Variants in SLC17A1 observed in about 807,000 individuals in gnomAD.
SLC17A1 encodes the protein solute carrier family 17 member 1.
Under a neutral mutation model 53.5 loss-of-function variants are expected in SLC17A1, and 51 were observed. The ratio of observed to expected loss-of-function variants is 0.95; its 90% CI spans 0.76 to 1.20. SLC17A1 has a LOEUF of 1.20. Ranked by LOEUF, SLC17A1 falls within the 50% of genes most tolerant of loss-of-function variation. SLC17A1 has a pLI of 0.00. For missense variants in SLC17A1, 538 were observed against 568.2 expected, an observed-to-expected ratio of 0.95 and a Z score of 0.54; for synonymous variants, 179 against 198.8, an observed-to-expected ratio of 0.90 and a Z score of 0.84.
chr6:25,728,093 TA>T, the SLC17A1 span, among the ~76,000 whole-genome samples: 2 of 152,056 alleles, frequency 1.3e-5, no homozygotes, highest in African/African-American at 2.4e-5. Context: ...TTACACATAA[TA>T]AAACTAAAAA....
chr6:25,770,584 C>G, the SLC17A1 span: 5 of 937,686 alleles, frequency 5.3e-6, no homozygotes, highest in Admixed American at 9.3e-5. Flanking sequence ...ATAGTCCTTT[C>G]CTTAAAGCAC....
At chr6:25,764,267 T>C in the SLC17A1 span, among the ~76,000 whole-genome samples, 7 of 152,190 alleles carry the variant, frequency 4.6e-5, no homozygotes, top group African/African-American at 1.4e-4. Flanking sequence ...TGTCCCTCTG[T>C]TACTGTGGAG....
rs1166823430 is a variant in SLC17A1 at position 25,813,738 on chromosome 6, A to G, written c.617-525T>C. ...CTCTCCCTCTTCCCACCCTCTACCC[A>G]GTGGTAGAAGGTGTTCCCCTCAGTG... On this transcript the variant is annotated intron_variant, in intron 6 of 12. Coordinates refer to ENST00000244527, the MANE Select transcript of SLC17A1 (RefSeq NM_005074.5). Among the ~76,000 whole-genome samples, 3 of 152,076 alleles carry G rather than the reference A, an allele frequency of 2.0e-5. No individual in the cohort carries two copies. In the East Asian group the frequency reaches 5.8e-4, roughly 29 times the overall value.
At chr6:25,818,622 T>C (rs1764441336) in intron 6 of SLC17A1, among the ~76,000 whole-genome samples, 1 of 152,242 alleles carries the variant, frequency 6.6e-6, no homozygotes, top group Admixed American at 6.5e-5. Flanking sequence ...CACTTATTTG[T>C]AAACCTTATT....
chr6:25,821,809 A>G (rs545864549), intron 3 of SLC17A1, among the ~76,000 whole-genome samples: 3 of 152,334 alleles, frequency 2.0e-5, no homozygotes, highest in African/African-American at 7.2e-5. Flanking sequence ...TACTCCACAT[A>G]TAAATGTATA....
chr6:25,741,035 G>T, the SLC17A1 span, among the ~76,000 whole-genome samples: 4 of 149,836 alleles, frequency 2.7e-5, no homozygotes, highest in African/African-American at 7.3e-5. Context: ...GGAGGTGGTA[G>T]GGAATGAAGT....
chr6:25,732,528 G>C, the SLC17A1 span: 3 of 472,372 alleles, frequency 6.4e-6, no homozygotes, highest in South Asian at 3.8e-5. Context: ...CGGTGTCAAC[G>C]GGCTGCTCAG....
chr6:25,738,458 GA>G, the SLC17A1 span, among the ~76,000 whole-genome samples: 3 of 151,690 alleles, frequency 2.0e-5, no homozygotes, highest in African/African-American at 7.3e-5. Flanking sequence ...AAACCTTTTA[GA>G]AAAAATATGT....
chr6:25,789,947 T>C (rs1763465672), intron 12 of SLC17A1, among the ~76,000 whole-genome samples: 1 of 152,126 alleles, frequency 6.6e-6, no homozygotes, highest in Admixed American at 6.6e-5. Context: ...TAGAAAAATG[T>C]CCTTGTTTGC....
the SLC17A1 span, among the ~76,000 whole-genome samples, chr6:25,737,624 A>G: frequency 6.6e-6 from 1 of 152,146 alleles, no homozygotes; most frequent in Non-Finnish European, 1.5e-5. Flanking sequence ...TACAACTGCT[A>G]TTACAACCAG....
At chr6:25,770,007 C>A in the SLC17A1 span, 1 of 1,512,896 alleles carries the variant, frequency 6.6e-7, no homozygotes, top group Non-Finnish European at 9.1e-7. Flanking sequence ...CTCAAGTCCT[C>A]ACAATGAAAA....
At chr6:25,751,282 G>A in the SLC17A1 span, among the ~76,000 whole-genome samples, 1 of 152,190 alleles carries the variant, frequency 6.6e-6, no homozygotes, top group African/African-American at 2.4e-5. Flanking sequence ...GCTTTTCATA[G>A]GAAGGGATTA....
At chr6:25,803,971 A>C (rs1581465646) in intron 10 of SLC17A1, among the ~76,000 whole-genome samples, 1 of 152,290 alleles carries the variant, frequency 6.6e-6, no homozygotes, top group East Asian at 1.9e-4. Flanking sequence ...CTGATATTGA[A>C]ATTCAACTGT....
the SLC17A1 span, among the ~76,000 whole-genome samples, chr6:25,731,437 G>A: frequency 6.6e-6 from 1 of 152,168 alleles, no homozygotes; most frequent in African/African-American, 2.4e-5. Context: ...TGCTGTCATC[G>A]TAGAGTGTTT....
At chr6:25,770,398 T>A in the SLC17A1 span, 2 of 1,614,008 alleles carry the variant, frequency 1.2e-6, no homozygotes, top group Admixed American at 3.3e-5. Flanking sequence ...TGGTATTAAC[T>A]GGTCAGTATT....
the SLC17A1 span, among the ~76,000 whole-genome samples, chr6:25,773,966 C>G: frequency 1.3e-5 from 2 of 151,970 alleles, no homozygotes; most frequent in African/African-American, 4.8e-5. Flanking sequence ...TTTAAGGGCC[C>G]TGTGCAAAAA....
chr6:25,756,002 A>G, the SLC17A1 span, among the ~76,000 whole-genome samples: 2 of 152,148 alleles, frequency 1.3e-5, no homozygotes, highest in South Asian at 4.1e-4. Flanking sequence ...CTTTTTCACC[A>G]CAACTAGCCT....
intron 12 of SLC17A1, among the ~76,000 whole-genome samples, chr6:25,794,688 T>C (rs961311029): frequency 4.6e-5 from 7 of 152,164 alleles, no homozygotes; most frequent in Admixed American, 2.6e-4. Context: ...ACTAAACTCA[T>C]GAACCCGGTA....
chr6:25,815,011 A>T (rs1764295232), intron 6 of SLC17A1, among the ~76,000 whole-genome samples: 1 of 151,126 alleles, frequency 6.6e-6, no homozygotes, highest in Admixed American at 6.6e-5. Context: ...ACACACACAC[A>T]CACACACACA....
Sources: allele counts gnomAD v4.1 joint callset (sites outside exome capture counted in the v4.1 genomes callset), GRCh38; gene constraint gnomAD v4.1.1; transcripts MANE v1.5; gene names NCBI Gene and HGNC (gene_info 2026-07-23, HGNC 2026-07-21).